Variants in N4BP2L2 observed in about 807,000 individuals in gnomAD.
N4BP2L2 encodes NEDD4 binding protein 2 like 2.
A neutral mutation model predicts 56.2 loss-of-function variants in N4BP2L2; 50 were observed. That is an observed-to-expected ratio of 0.89 (90% CI 0.71 to 1.13). N4BP2L2 has a LOEUF of 1.13. N4BP2L2 is among the 50% of genes most tolerant of loss of function. The pLI is 0.00. For missense variants in N4BP2L2, 689 were observed against 693.8 expected, an observed-to-expected ratio of 0.99 and a Z score of 0.08; for synonymous variants, 203 against 223.6, an observed-to-expected ratio of 0.91 and a Z score of 0.82.
chr13:32,522,978 C>G (rs529157571), intron 3 of N4BP2L2: 1 of 152,322 alleles, frequency 6.6e-6, no homozygotes, highest in African/African-American at 2.4e-5. Context: ...CATAGTTCAA[C>G]TGACTTTGTG....
chr13:32,487,113 G>A lies in N4BP2L2; in HGVS notation c.365+30744C>T, dbSNP rs571533994. Among the ~76,000 whole-genome samples, 12 of 152,152 alleles carry A rather than the reference G, an allele frequency of 7.9e-5. No homozygotes were observed. The South Asian group carries it at 1.0e-3, about 13-fold the overall frequency. ...AGGCTGAGGAAGAAGGATCACATGA[G>A]GCCAGGATTTCCAGACCTGCCTAGG... On this transcript the variant is annotated intron_variant, in intron 6 of 9. Transcript: ENST00000357505.
chr13:32,536,578 A>T (rs1435089810), exon 2 of N4BP2L2: 3 of 1,613,682 alleles, frequency 1.9e-6, no homozygotes, highest in Admixed American at 1.7e-5. Context: ...CTCCTCTGTC[A>T]TTTATACCAT....
rs1021996102 is a variant in N4BP2L2, at chr13:32,519,364, G to A, written c.1551-1361C>T. 4.6e-5 allele frequency among the ~76,000 whole-genome samples: 7 copies of A among 152,044 alleles called. 1 individual carries two copies. The highest frequency in any genetic ancestry group is 3.9e-4 in the East Asian group (2 of 5,170). ...GAAGAGGTTGCAGTGAGCCAAGATC[G>A]TCACTGCAAGCCGGGTGCAGTGGCT... On this transcript the variant is annotated intron_variant, in intron 5 of 5. Coordinates refer to ENST00000267068, the Ensembl canonical transcript of N4BP2L2.
chr13:32,473,075 G>A (rs1236359213), intron 6 of N4BP2L2, among the ~76,000 whole-genome samples: 1 of 152,154 alleles, frequency 6.6e-6, no homozygotes, highest in Non-Finnish European at 1.5e-5. Flanking sequence ...GAGGTCAGGA[G>A]TTCGAGACCA....
intron 6 of N4BP2L2, among the ~76,000 whole-genome samples, chr13:32,491,503 TATA>T (rs2087047652): frequency 6.7e-6 from 1 of 148,702 alleles, no homozygotes; most frequent in Non-Finnish European, 1.5e-5. Flanking sequence ...CAACAGTTTT[TATA>T]ATAATAAAAA....
chr13:32,449,293 G>A (rs1192788993), intron 6 of N4BP2L2, among the ~76,000 whole-genome samples: 1 of 152,132 alleles, frequency 6.6e-6, no homozygotes, highest in Non-Finnish European at 1.5e-5. Flanking sequence ...AACATGAAGT[G>A]CTAAACAGCT....
chr13:32,518,137 A>G lies in N4BP2L2; in HGVS notation c.1551-134T>C, dbSNP rs1163820846. 58 of 823,154 alleles carry G rather than the reference A, an allele frequency of 7.0e-5. No individual in the cohort carries two copies. In the East Asian group the frequency reaches 1.5e-3, roughly 22 times the overall value. 51.0% of individuals were successfully genotyped at this position (823,154 alleles called of 1,614,324 possible). On this transcript the variant is annotated intron_variant, in intron 5 of 5. Coordinates refer to ENST00000267068, the Ensembl canonical transcript of N4BP2L2. Reference sequence around the variant, plus strand: ...AACAATATATATTTCATCTGTCCACATTTTATGTAAAAAGACTTATTAAAA... The same window carrying G: ...AACAATATATATTTCATCTGTCCACGTTTTATGTAAAAAGACTTATTAAAA...
chr13:32,434,256 C>CTT (rs983130668), intron 9 of N4BP2L2, among the ~76,000 whole-genome samples: 5 of 128,280 alleles, frequency 3.9e-5, no homozygotes, highest in African/African-American at 6.2e-5. Context: ...TTCTTTTTTT[C>CTT]TTTTTTTTTT....
At chr13:32,499,845 C>T (rs1287259683) in intron 6 of N4BP2L2, among the ~76,000 whole-genome samples, 1 of 152,194 alleles carries the variant, frequency 6.6e-6, no homozygotes, top group Non-Finnish European at 1.5e-5. Flanking sequence ...GTCCATCTCT[C>T]ACCAAGAAAC....
chr13:32,442,425 T>C (rs2076528531), exon 7 of N4BP2L2: 2 of 1,603,614 alleles, frequency 1.2e-6, no homozygotes, highest in African/African-American at 1.3e-5. Flanking sequence ...GCTTTACTAA[T>C]TGAAAGGCAA....
At chr13:32,455,658 GCCTCAGCATACTACTGGCA>G (rs915796123) in intron 6 of N4BP2L2, among the ~76,000 whole-genome samples, 9 of 152,128 alleles carry the variant, frequency 5.9e-5, no homozygotes, top group African/African-American at 2.2e-4. Context: ...TACAGCTGGT[GCCTCAGCATACTACTGGCA>G]CTACAAAAGA....
intron 6 of N4BP2L2, among the ~76,000 whole-genome samples, chr13:32,451,541 T>C (rs2078016514): frequency 2.0e-5 from 3 of 152,062 alleles, no homozygotes; most frequent in African/African-American, 7.2e-5. Context: ...ATATAAGTTA[T>C]TTAATTAATT....
At chr13:32,514,658 A>G (rs1311573316) in exon 6 of N4BP2L2, 1 of 152,126 alleles carries the variant, frequency 6.6e-6, no homozygotes, top group Non-Finnish European at 1.5e-5. Flanking sequence ...ACCCCCAAAA[A>G]AGACTGTCTG....
At chr13:32,450,421 T>C (rs2077752474) in intron 6 of N4BP2L2, among the ~76,000 whole-genome samples, 1 of 151,278 alleles carries the variant, frequency 6.6e-6, no homozygotes, top group East Asian at 1.9e-4. Flanking sequence ...GCCTCCCAGG[T>C]TCAGGCCATT....
At position 32,485,397 on chromosome 13, in the gene N4BP2L2, C is replaced by T. The variant is rs549038936; in HGVS notation, c.365+32460G>A. ...AAGAAGAATATCAATTCTTAAGAAA[C>T]TCTTCTAAAAATAGAAGAGGAAGGA... is the stretch of plus-strand genomic sequence containing the variant. On this transcript the variant is annotated intron_variant, in intron 6 of 9. Coordinates refer to the N4BP2L2 transcript ENST00000357505. Among the ~76,000 whole-genome samples the T allele has an allele frequency of 4.6e-5, 7 of 152,280 alleles. No individual in the cohort carries two copies. The South Asian group carries it at 8.3e-4, about 18-fold the overall frequency.
chr13:32,463,604 C>A (rs1398083084), intron 6 of N4BP2L2, among the ~76,000 whole-genome samples: 6 of 142,508 alleles, frequency 4.2e-5, no homozygotes, highest in South Asian at 2.3e-4. Context: ...GCAGAGGTTG[C>A]GGTGAGCAGA....
chr13:32,438,835 C>A, intron 7 of N4BP2L2: 2 of 760,954 alleles, frequency 2.6e-6, no homozygotes, highest in Admixed American at 2.8e-5. Context: ...TTCACCATAC[C>A]ATTAAAAGTC....
intron 6 of N4BP2L2, among the ~76,000 whole-genome samples, chr13:32,447,248 AAAC>A (rs1187627024): frequency 3.3e-5 from 5 of 152,166 alleles, no homozygotes; most frequent in Admixed American, 1.3e-4. Flanking sequence ...ATCAAAAAAG[AAAC>A]AACAAGAGGA....
At chr13:32,514,008 T>A (rs1336865601) in exon 6 of N4BP2L2, 2 of 152,138 alleles carry the variant, frequency 1.3e-5, no homozygotes, top group African/African-American at 4.8e-5. Flanking sequence ...ACATTTCATA[T>A]CCTCTTAAAT....
Sources: gnomAD v4.1 joint callset for allele counts (sites outside exome capture counted in the v4.1 genomes callset) on GRCh38, gnomAD v4.1.1 for gene constraint, MANE v1.5 for transcripts, NCBI Gene and HGNC (gene_info 2026-07-23, HGNC 2026-07-21) for gene names.